The following PNISR variants were observed in gnomAD, a reference collection of about 807,000 sequenced individuals.
The protein encoded by PNISR is arginine/serine-rich protein PNISR.
Under a neutral mutation model 93.4 loss-of-function variants are expected in PNISR, and 20 were observed. The observed-to-expected ratio is 0.21, with a 90% CI of 0.15 to 0.31. PNISR has a LOEUF of 0.31. Ranked by LOEUF, PNISR falls within the 10% of genes least tolerant of loss-of-function variation. The pLI is 1.00. For synonymous variants in PNISR, 305 were observed against 306.5 expected, an observed-to-expected ratio of 0.99 and a Z score of 0.05; for missense variants, 893 against 985.4, an observed-to-expected ratio of 0.91 and a Z score of 1.25.
At chr6:99,408,473 C>A (rs1445564968) in intron 6 of PNISR, among the ~76,000 whole-genome samples, 1 of 152,156 alleles carries the variant, frequency 6.6e-6, no homozygotes, top group African/African-American at 2.4e-5. Flanking sequence ...CTAATTTAAT[C>A]CTTACAAAAG....
In PNISR at chr6:99,424,368, C is replaced by T. The variant is rs141026957; in HGVS notation, c.-112+847G>A. On this transcript the variant is annotated intron_variant, in intron 1 of 11. Coordinates refer to ENST00000369239, the MANE Select transcript of PNISR (RefSeq NM_032870.4). Reference sequence around the variant, plus strand: ...TAGTGGGGACGTCGTATGTGCTCAACGTAAACAAAAACTGTTCTAAAACAT... The same window carrying T: ...TAGTGGGGACGTCGTATGTGCTCAATGTAAACAAAAACTGTTCTAAAACAT... Among the ~76,000 whole-genome samples the T allele has an allele frequency of 3.6e-4, 55 of 151,768 alleles. 1 individual carries two copies. The East Asian group carries it at 5.8e-3, about 16-fold the overall frequency.
chr6:99,416,985 A>G (rs542374392), intron 1 of PNISR, among the ~76,000 whole-genome samples: 1 of 152,300 alleles, frequency 6.6e-6, no homozygotes, highest in East Asian at 1.9e-4. Flanking sequence ...CAGACACTAA[A>G]TAAATAATCA....
At chr6:99,423,966 T>C (rs1265862104) in intron 1 of PNISR, among the ~76,000 whole-genome samples, 2 of 152,146 alleles carry the variant, frequency 1.3e-5, no homozygotes, top group African/African-American at 4.8e-5. Flanking sequence ...TATTAATATA[T>C]TGGGCTAAGG....
At chr6:99,407,746 G>C (rs993788045) in intron 7 of PNISR, among the ~76,000 whole-genome samples, 2 of 152,196 alleles carry the variant, frequency 1.3e-5, no homozygotes, top group African/African-American at 2.4e-5. Flanking sequence ...ATGTTCAAAA[G>C]AGGGAGATTT....
At chr6:99,402,470 T>A in intron 11 of PNISR, 70 bp downstream of exon 11, 1 of 1,075,948 alleles carries the variant, frequency 9.3e-7, no homozygotes, top group Non-Finnish European at 1.3e-6. Context: ...CTTTGATATT[T>A]TTAGGTTAGT....
intron 1 of PNISR, among the ~76,000 whole-genome samples, chr6:99,421,512 T>TA (rs1478309373): frequency 6.6e-6 from 1 of 152,148 alleles, no homozygotes. Context: ...ATAAGACACT[T>TA]ACAGGGAGAA....
Position 99,410,825 on chromosome 6 carries a change from C to G in PNISR, c.417G>C (p.Arg139Ser). The change falls in exon 5 of 12, where the codon AGG becomes AGC. Residue 139 changes from arginine to serine, a missense_variant. Transcript: ENST00000369239. ...QDSGEFAPDN[R>S]HIFNQNNHNF... ...TGTGATTGTTCTGGTTAAATATATG[C>G]CTGTTGTCAGGGGCAAATTCCCCAC... 1 of 1,614,072 alleles carries G rather than the reference C, an allele frequency of 6.2e-7. No individual in the cohort carries two copies. Among genetic ancestry groups the G allele is most frequent in the Non-Finnish European group, 8.5e-7 (1 of 1,179,996 alleles).
chr6:99,410,910 G>A lies in PNISR; in HGVS notation c.332C>T (p.Pro111Leu). 1 of 1,614,062 alleles carries A rather than the reference G, an allele frequency of 6.2e-7. No individual in the cohort carries two copies. The highest frequency in any genetic ancestry group is 1.7e-5 in the Admixed American group (1 of 60,000). The change falls in exon 5 of 12, where the codon CCA (proline) becomes CTA (leucine). Residue 111 changes from proline (P) to leucine (L), a missense_variant. By Grantham distance (98) the Pro-to-Leu change is moderately conservative (BLOSUM62 -3). Coordinates refer to ENST00000369239, the MANE Select transcript of PNISR (RefSeq NM_032870.4). ...PHPPPDQPWM[P>L]PTPGPMDIVP... is the part of the protein sequence containing the mutation. ...AATGTCCATTGGGCCTGGTGTTGGTGGCATCCATGGCTGATCTGGAGGGGG... is the reference window on the plus strand; with the variant it reads ...AATGTCCATTGGGCCTGGTGTTGGTAGCATCCATGGCTGATCTGGAGGGGG...
At position 99,401,481 on chromosome 6, in the gene PNISR, A is replaced by T; in HGVS notation, c.1477T>A (p.Leu493Ile). 6.2e-7 allele frequency: 1 copy of T among 1,612,948 alleles called. No individual in the cohort carries two copies. The highest frequency in any genetic ancestry group is 8.5e-7 in the Non-Finnish European group (1 of 1,179,746). ...KRTPNETTSV[L>I]EPKKEHKEKE... Reference sequence around the variant, plus strand: ...TCTTTATGCTCTTTTTTTGGTTCTAAAACTGATGTGGTTTCATTTGGAGTT... The same window carrying T: ...TCTTTATGCTCTTTTTTTGGTTCTATAACTGATGTGGTTTCATTTGGAGTT... Residue 493 changes from leucine (L) to isoleucine (I), a missense_variant, in exon 12 of 12, where the codon TTA becomes ATA. Leu to Ile is a conservative substitution (Grantham distance 5). Coordinates refer to ENST00000369239, the MANE Select transcript of PNISR (RefSeq NM_032870.4).
intron 1 of PNISR, among the ~76,000 whole-genome samples, chr6:99,417,277 A>G (rs1777825393): frequency 6.6e-6 from 1 of 152,240 alleles, no homozygotes; most frequent in Non-Finnish European, 1.5e-5. Flanking sequence ...CCATAAATTT[A>G]CTTTTCCAGA....
chr6:99,401,481 A>G lies in PNISR; in HGVS notation c.1477T>C (p.Leu493=), dbSNP rs760869482. 6.2e-7 allele frequency: 1 copy of G among 1,612,948 alleles called. No homozygotes were observed. The highest frequency in any genetic ancestry group is 8.5e-7 in the Non-Finnish European group (1 of 1,179,746). The stretch of plus-strand genomic sequence containing the variant: ...TCTTTATGCTCTTTTTTTGGTTCTA[A>G]AACTGATGTGGTTTCATTTGGAGTT... ...KRTPNETTSV[L]EPKKEHKEKE... Residue 493 remains leucine (L), a synonymous_variant, in exon 12 of 12, where the codon TTA becomes CTA. Coordinates refer to ENST00000369239, the MANE Select transcript of PNISR (RefSeq NM_032870.4).
At chr6:99,407,889 T>C (rs1776357783) in intron 7 of PNISR, among the ~76,000 whole-genome samples, 192 bp downstream of exon 7, 1 of 152,254 alleles carries the variant, frequency 6.6e-6, no homozygotes, top group South Asian at 2.1e-4. Flanking sequence ...GTTTATAAAC[T>C]TGTTGTCCCA....
chr6:99,422,799 G>A (rs147422017), intron 1 of PNISR, among the ~76,000 whole-genome samples: 5,084 of 149,494 alleles, frequency 0.034, 284 homozygotes, highest in African/African-American at 0.12. Flanking sequence ...ACTTGAACCC[G>A]GGAGGCAGGG....
In PNISR at chr6:99,400,694, T is replaced by G; in HGVS notation, c.2264A>C (p.Asp755Ala). 2 of 1,613,648 alleles carry G rather than the reference T, an allele frequency of 1.2e-6. No homozygotes were observed. The highest frequency in any genetic ancestry group is 2.2e-5 in the South Asian group (2 of 90,970). The change falls in exon 12 of 12, where the codon GAT becomes GCT. Residue 755 changes from aspartate (D) to alanine (A), a missense_variant. Coordinates refer to ENST00000369239, the MANE Select transcript of PNISR (RefSeq NM_032870.4). ...TKDSKKHSGS[D>A]SSGRSSSESP... Reference sequence around the variant, plus strand: ...CTCAGAACTGCTCCTTCCACTAGAATCAGAGCCTGAATGTTTTTTACTATC... The same window carrying G: ...CTCAGAACTGCTCCTTCCACTAGAAGCAGAGCCTGAATGTTTTTTACTATC...
At chr6:99,404,433 T>C in intron 9 of PNISR, 170 bp downstream of exon 9, 2 of 643,002 alleles carry the variant, frequency 3.1e-6, no homozygotes, top group South Asian at 3.3e-5. Context: ...ACAAAAATAT[T>C]TGTATAGCTT....
At chr6:99,420,912 A>C (rs6902260) in intron 1 of PNISR, among the ~76,000 whole-genome samples, 43,855 of 152,106 alleles carry the variant, frequency 0.29, 6,897 homozygotes, top group Middle Eastern at 0.4. Context: ...TTTTATAATA[A>C]TTTAAATTCT....
chr6:99,399,061 A>G lies in PNISR; in HGVS notation c.*1479T>C, dbSNP rs1014687729. ...GAGCACACTATACAAATCTATTTCT[A>G]TCTTCATGTTGAGGAAACACTGATC... On this transcript the variant is annotated 3_prime_UTR_variant, in exon 12 of 12. Transcript: ENST00000369239. 6.6e-6 allele frequency: 1 copy of G among 152,096 alleles called. No individual in the cohort carries two copies. The highest frequency in any genetic ancestry group is 2.4e-5 in the African/African-American group (1 of 41,454). 9.4% of individuals were successfully genotyped at this position (152,096 alleles called of 1,614,324 possible). A position where few individuals can be genotyped will look rare whatever the true frequency, so the allele number is the denominator to read the frequency against.
rs1365629726 is a variant in PNISR at position 99,408,243 on chromosome 6, A to C, written c.702T>G (p.Ala234=). ...IDAVKRRTLP[A]WIREGLEKME... ...TTTTTTCAAGACCTTCGCGAATCCA[A>C]GCGGGAAGAGTCCTGCGTTTTACTG... The change falls in exon 7 of 12, where the codon GCT becomes GCG. Residue 234 remains alanine (A), a synonymous_variant. Coordinates refer to ENST00000369239, the MANE Select transcript of PNISR (RefSeq NM_032870.4). 2 of 1,612,828 alleles carry C rather than the reference A, an allele frequency of 1.2e-6. No homozygotes were observed. The highest frequency in any genetic ancestry group is 2.7e-5 in the African/African-American group (2 of 74,804).
chr6:99,420,331 T>C (rs5027414), intron 1 of PNISR, among the ~76,000 whole-genome samples: 4 of 152,046 alleles, frequency 2.6e-5, no homozygotes, highest in Non-Finnish European at 5.9e-5. Context: ...AAAACAAAAT[T>C]TGCACTTACA....
Sources: allele counts gnomAD v4.1 joint callset (sites outside exome capture counted in the v4.1 genomes callset), GRCh38; gene constraint gnomAD v4.1.1; transcripts MANE v1.5; gene names NCBI Gene and HGNC (gene_info 2026-07-23, HGNC 2026-07-21).